KCNMA1: variants seen among roughly 807,000 people sequenced by gnomAD.
KCNMA1 encodes the protein Calcium-activated potassium channel subunit alpha-1.
KCNMA1 carries 29 observed loss-of-function variants against 140.0 expected under a neutral mutation model. That is an observed-to-expected ratio of 0.21 (90% confidence interval 0.15 to 0.28). The LOEUF (loss-of-function observed/expected upper bound fraction) is 0.28. Among genes scored for constraint, KCNMA1 ranks in the 10% least tolerant of loss-of-function variants. The pLI, the probability that KCNMA1 is intolerant of heterozygous loss-of-function variation, is 1.00. For missense variants in KCNMA1, 880 were observed against 1,602.2 expected (o/e 0.55, Z 7.70); for synonymous variants, 612 against 611.9 (o/e 1.00, Z 0.00).
intron 1 of KCNMA1, among the ~76,000 whole-genome samples, chr10:77,491,403 C>T (rs1308154753): frequency 6.6e-6 from 1 of 152,048 alleles, no homozygotes; most frequent in South Asian, 2.1e-4. Context: ...AGTTTCCCCT[C>T]GGACAGCATG....
chr10:77,598,103 C>G (rs1424056228), intron 1 of KCNMA1, among the ~76,000 whole-genome samples: 1 of 152,128 alleles, frequency 6.6e-6, no homozygotes, highest in Non-Finnish European at 1.5e-5. Flanking sequence ...TCCCCAGTAG[C>G]TGGATTACAG....
intron 1 of KCNMA1, among the ~76,000 whole-genome samples, chr10:77,431,438 C>T (rs2097149259): frequency 3.3e-5 from 5 of 152,140 alleles, no homozygotes; most frequent in Admixed American, 3.3e-4. Context: ...CTAGGGATTT[C>T]TCTAATCCTT....
intron 1 of KCNMA1, among the ~76,000 whole-genome samples, chr10:77,548,408 A>G (rs1396497564): frequency 6.6e-6 from 1 of 152,190 alleles, no homozygotes; most frequent in Non-Finnish European, 1.5e-5. Context: ...TCAGGGGCAG[A>G]CAGAAGGCTT....
At chr10:77,419,940 T>C (rs2096832264) in intron 1 of KCNMA1, among the ~76,000 whole-genome samples, 1 of 152,240 alleles carries the variant, frequency 6.6e-6, no homozygotes, top group African/African-American at 2.4e-5. Context: ...ATAGGATCAA[T>C]GGGCTAGAGG....
At chr10:77,182,063 G>T (rs1390613813) in intron 5 of KCNMA1, among the ~76,000 whole-genome samples, 1 of 152,134 alleles carries the variant, frequency 6.6e-6, no homozygotes, top group African/African-American at 2.4e-5. Flanking sequence ...CATCAAAATG[G>T]ATTGCTAGCG....
At chr10:77,150,828 A>G (rs2098404246) in intron 5 of KCNMA1, among the ~76,000 whole-genome samples, 1 of 152,200 alleles carries the variant, frequency 6.6e-6, no homozygotes, top group Non-Finnish European at 1.5e-5. Flanking sequence ...ATTCCAACAC[A>G]CTATGTTACC....
intron 18 of KCNMA1, among the ~76,000 whole-genome samples, chr10:77,008,005 G>GCTA (rs1555101502): frequency 6.6e-6 from 1 of 151,946 alleles, no homozygotes; most frequent in Non-Finnish European, 1.5e-5. Flanking sequence ...CTGGCTCCAG[G>GCTA]CTACTCTGTA....
intron 1 of KCNMA1, among the ~76,000 whole-genome samples, chr10:77,554,763 A>G (rs1182944758): frequency 6.6e-6 from 1 of 152,140 alleles, no homozygotes; most frequent in African/African-American, 2.4e-5. Context: ...GTTCCTGGAA[A>G]CGGTGCCATC....
intron 1 of KCNMA1, among the ~76,000 whole-genome samples, chr10:77,599,879 G>A (rs1269924533): frequency 1.3e-5 from 2 of 152,190 alleles, no homozygotes; most frequent in African/African-American, 4.8e-5. Context: ...CCTCCTGTGT[G>A]CCACCCCTCC....
intron 1 of KCNMA1, among the ~76,000 whole-genome samples, chr10:77,430,855 G>A (rs2097138614): frequency 6.6e-6 from 1 of 152,180 alleles, no homozygotes; most frequent in African/African-American, 2.4e-5. Flanking sequence ...AAGTTAGGTG[G>A]AAGGAATAAA....
intron 1 of KCNMA1, among the ~76,000 whole-genome samples, chr10:77,484,393 A>G (rs1335351129): frequency 2.0e-5 from 3 of 152,246 alleles, no homozygotes; most frequent in Non-Finnish European, 2.9e-5. Context: ...GCCGTCCCCC[A>G]TCATAATCCA....
At chr10:77,399,080 C>G (rs2154458079) in intron 2 of KCNMA1, among the ~76,000 whole-genome samples, 1 of 152,260 alleles carries the variant, frequency 6.6e-6, no homozygotes, top group South Asian at 2.1e-4. Context: ...TCTGTATTTT[C>G]CATAAGCCAC....
intron 1 of KCNMA1, among the ~76,000 whole-genome samples, chr10:77,499,742 A>G (rs925387303): frequency 7.9e-5 from 12 of 152,204 alleles, no homozygotes; most frequent in Non-Finnish European, 1.5e-4. Context: ...ATTCAACAAC[A>G]GGAGATGTCC....
chr10:77,531,798 G>T (rs1387458296), intron 1 of KCNMA1, among the ~76,000 whole-genome samples: 1 of 152,202 alleles, frequency 6.6e-6, no homozygotes, highest in Non-Finnish European at 1.5e-5. Flanking sequence ...AAGACAGCAA[G>T]GAAAAACCAG....
At chr10:77,556,770 C>T (rs2064646983) in intron 1 of KCNMA1, among the ~76,000 whole-genome samples, 3 of 152,076 alleles carry the variant, frequency 2.0e-5, no homozygotes, top group South Asian at 2.1e-4. Flanking sequence ...ATCTTCCCTC[C>T]GCACACAATA....
intron 14 of KCNMA1, among the ~76,000 whole-genome samples, chr10:77,044,592 T>C (rs2094931087): frequency 6.6e-6 from 1 of 152,148 alleles, no homozygotes; most frequent in African/African-American, 2.4e-5. Context: ...AAGGCTGCAG[T>C]GAGCTATGAC....
rs2097250625 is a variant in KCNMA1 at position 77,108,629 on chromosome 10, A to T, written c.1132-57T>A. 2 of 1,300,622 alleles carry T rather than the reference A, an allele frequency of 1.5e-6. No homozygotes were observed. Among genetic ancestry groups the T allele is most frequent in the Non-Finnish European group, 2.2e-6 (2 of 899,894 alleles). The allele number at this position is 1,300,622 out of a possible 1,614,324, so 80.6% of individuals were successfully genotyped here. On this transcript the variant is annotated intron_variant, in intron 8 of 27. Transcript: ENST00000286628. The surrounding 1 kb of genome is among the most constrained non-coding windows in gnomAD (Gnocchi z 4.6). ...AAAGACAGGCCAAAGAAAAGGGGGGACCTGTTCAGAGGGTGGGGGCACTAA... is the reference window on the plus strand; with the variant it reads ...AAAGACAGGCCAAAGAAAAGGGGGGTCCTGTTCAGAGGGTGGGGGCACTAA...
At chr10:77,277,710 C>T (rs562902398) in intron 2 of KCNMA1, among the ~76,000 whole-genome samples, 1 of 152,336 alleles carries the variant, frequency 6.6e-6, no homozygotes, top group African/African-American at 2.4e-5. Context: ...TCACCACTCC[C>T]ACTGCCCCAA....
intron 20 of KCNMA1, among the ~76,000 whole-genome samples, chr10:76,961,163 T>C (rs1230416841): frequency 6.6e-6 from 1 of 151,124 alleles, no homozygotes; most frequent in Admixed American, 6.6e-5. Flanking sequence ...TAGATGCTAA[T>C]AAGAACATTC....
Sources: allele counts gnomAD v4.1 joint callset (sites outside exome capture counted in the v4.1 genomes callset), GRCh38; gene constraint gnomAD v4.1.1; non-coding constraint Gnocchi (gnomAD v3.1); transcripts MANE v1.5; gene names NCBI Gene and HGNC (gene_info 2026-07-23, HGNC 2026-07-21).